ELOA2: variants seen among roughly 807,000 people sequenced by gnomAD.
ELOA2 encodes elongin-A2.
For synonymous variants in ELOA2, 497 were observed against 398.8 expected (o/e 1.25, Z -2.94); for missense variants, 1,271 against 979.7 (o/e 1.30, Z -3.97).
rs776263689 is a variant in ELOA2 at position 47,033,401 on chromosome 18, T to G, written c.1864A>C (p.Met622Leu). The change falls in exon 1 of 1, where the codon ATG (methionine) becomes CTG (leucine). Residue 622 changes from methionine (M) to leucine (L), a missense_variant. Transcript: ENST00000332567. ...CGTGCAGATCGGATATTCGTTGTCA[T>G]TACTCTCAGCCGCTGCTCTGGGGCG... ...PDAPEQRLRV[M>L]TTNIRSARGN... is the part of the protein sequence containing the mutation. 17 of 1,614,086 alleles carry G rather than the reference T, an allele frequency of 1.1e-5. No homozygotes were observed. Among genetic ancestry groups the G allele is most frequent in the South Asian group, 8.8e-5 (8 of 91,082 alleles).
At position 47,032,896 on chromosome 18, in the gene ELOA2, C is replaced by G. The variant is rs1418466518; in HGVS notation, c.*107G>C. 6 of 1,592,576 alleles carry G rather than the reference C, an allele frequency of 3.8e-6. No individual in the cohort carries two copies. The East Asian group carries it at 8.9e-5, about 24-fold the overall frequency. On this transcript the variant is annotated 3_prime_UTR_variant, in exon 1 of 1. Transcript: ENST00000332567. ...CAGAATTCAAAGGCTCAACTTTGCA[C>G]CAAGTTAAAGGTTCTGGTGTCCATT...
chr18:47,033,056 G>A lies in ELOA2; in HGVS notation c.2209C>T (p.Pro737Ser), dbSNP rs1378139555. ...TCTCGAATTGCCTTGGCCATCAGCG[G>A]GGCCACTTTCTTGGCAGCCTGTTTC... ...TRKQAAKKVA[P>S]LMAKAIRDYK... Residue 737 changes from proline (P) to serine (S), a missense_variant, in exon 1 of 1, where the codon CCG (proline) becomes TCG (serine). Coordinates refer to ENST00000332567, the MANE Select transcript of ELOA2 (RefSeq NM_016427.3). 2 of 1,614,126 alleles carry A rather than the reference G, an allele frequency of 1.2e-6. No individual in the cohort carries two copies.
chr18:47,033,411 C>T lies in ELOA2; in HGVS notation c.1854G>A (p.Arg618=). 1.2e-6 allele frequency: 2 copies of T among 1,614,194 alleles called. No individual in the cohort carries two copies. Among genetic ancestry groups the T allele is most frequent in the Non-Finnish European group, 1.7e-6 (2 of 1,180,040 alleles). ...GGATATTCGTTGTCATTACTCTCAG[C>T]CGCTGCTCTGGGGCGTCCGGAAGCC... ...YLRLPDAPEQ[R]LRVMTTNIRS... is the part of the protein sequence containing the mutation. The change falls in exon 1 of 1, where the codon CGG becomes CGA. Residue 618 remains arginine, a synonymous_variant. Coordinates refer to ENST00000332567, the MANE Select transcript of ELOA2 (RefSeq NM_016427.3).
In ELOA2 at chr18:47,034,082, G is replaced by T. The variant is rs958956552; in HGVS notation, c.1183C>A (p.Gln395Lys). The change falls in exon 1 of 1, where the codon CAA (glutamine) becomes AAA (lysine). Residue 395 changes from glutamine to lysine, a missense_variant. Physicochemically the swap from Gln to Lys is moderately conservative, Grantham distance 53. Transcript: ENST00000332567. ...KYLTYDQLRK[Q>K]KKKTGKSATT... Reference sequence around the variant, plus strand: ...GCAGATTTTCCAGTCTTTTTCTTTTGCTTCCGCAACTGATCGTAGGTGAGG... The same window carrying T: ...GCAGATTTTCCAGTCTTTTTCTTTTTCTTCCGCAACTGATCGTAGGTGAGG... The T allele has an allele frequency of 3.7e-6, 6 of 1,614,020 alleles. No homozygotes were observed. Among genetic ancestry groups the T allele is most frequent in the Non-Finnish European group, 5.1e-6 (6 of 1,180,024 alleles).
chr18:47,034,818 G>A lies in ELOA2; in HGVS notation c.447C>T (p.Arg149=), dbSNP rs778714672. The A allele has an allele frequency of 7.4e-6, 12 of 1,611,982 alleles. 1 individual carries two copies. Among genetic ancestry groups the A allele is most frequent in the African/African-American group, 2.7e-5 (2 of 74,854 alleles). ...QQRPHPRSHS[R]EPRAERKCPR... ...GGCACTTTCTCTCAGCTCTGGGCTC[G>A]CGACTGTGAGACCTCGGGTGAGGTC... The change falls in exon 1 of 1, where the codon CGC becomes CGT. Residue 149 remains arginine, a synonymous_variant. Transcript: ENST00000332567.
Position 47,034,227 on chromosome 18 carries a change from A to G in ELOA2, c.1038T>C (p.Thr346=). 1 of 1,613,826 alleles carries G rather than the reference A, an allele frequency of 6.2e-7. No individual in the cohort carries two copies. Among genetic ancestry groups the G allele is most frequent in the Non-Finnish European group, 8.5e-7 (1 of 1,179,788 alleles). Residue 346 remains threonine, a synonymous_variant, in exon 1 of 1, where the codon ACT becomes ACC. Coordinates refer to ENST00000332567, the MANE Select transcript of ELOA2 (RefSeq NM_016427.3). ...GAGCAGTCGGTGGCTTCCCCTCTTG[A>G]GTCTCTCGGTCGTTGGAAAGCTGCT... The part of the protein sequence containing the change: ...EKEQLSNDRE[T]QEGKPPTAHL...
Position 47,034,136 on chromosome 18 carries a change from C to T in ELOA2, c.1129G>A (p.Glu377Lys), listed in dbSNP as rs374544462. ...TTTTCACATGACAGAGTGGGCTGCT[C>T]GAATTCCTCAGCCATATCTACCTCC... ...VEEVDMAEEF[E>K]QPTLSCEKYL... Residue 377 changes from glutamate to lysine, a missense_variant, in exon 1 of 1, where the codon GAG becomes AAG. Transcript: ENST00000332567. 64 of 1,614,028 alleles carry T rather than the reference C, an allele frequency of 4.0e-5. No individual in the cohort carries two copies. The highest frequency in any genetic ancestry group is 5.0e-5 in the Non-Finnish European group (59 of 1,180,044).
chr18:47,035,221 T>A lies in ELOA2; in HGVS notation c.44A>T (p.Gln15Leu), dbSNP rs545181502. Residue 15 changes from glutamine (Q) to leucine (L), a missense_variant, in exon 1 of 1, where the codon CAG becomes CTG. By Grantham distance (113) the Gln-to-Leu change is moderately radical. Coordinates refer to ENST00000332567, the MANE Select transcript of ELOA2 (RefSeq NM_016427.3). ...CTCCGTCTTAGTGGCCAGACGCACC[T>A]GCAGCTTCTCCACTGCGTGCAGCGT... ...STTLHAVEKLQVRLATKTEPK... is the reference protein window; with the variant it reads ...STTLHAVEKLLVRLATKTEPK... The A allele has an allele frequency of 4.3e-6, 7 of 1,612,808 alleles. No homozygotes were observed. The Admixed American group carries it at 1.0e-4, about 23-fold the overall frequency.
At position 47,035,556 on chromosome 18, in the gene ELOA2, T is replaced by C; in HGVS notation, c.-292A>G. ...TGTGCAACAAAGAATGAAGCTCTGG[T>C]GCCAGAGCTGGGCCTTATGTAGCCC... On this transcript the variant is annotated 5_prime_UTR_variant, in exon 1 of 1. Transcript: ENST00000332567. The C allele has an allele frequency of 1.6e-6, 1 of 616,424 alleles. No homozygotes were observed. The highest frequency in any genetic ancestry group is 2.9e-6 in the Non-Finnish European group (1 of 349,990). 38.2% of individuals were successfully genotyped at this position (616,424 alleles called of 1,614,324 possible).
Position 47,032,781 on chromosome 18 carries a change from C to T in ELOA2, c.*222G>A, listed in dbSNP as rs2060535180. On this transcript the variant is annotated 3_prime_UTR_variant, in exon 1 of 1. Transcript: ENST00000332567. ...AAAATAGAATTGTTCCCAATGCGTTCATATCTTCTGAATTCTGAGGTGTTC... is the reference window on the plus strand; with the variant it reads ...AAAATAGAATTGTTCCCAATGCGTTTATATCTTCTGAATTCTGAGGTGTTC... The T allele has an allele frequency of 1.3e-6, 1 of 766,080 alleles. No homozygotes were observed. Among genetic ancestry groups the T allele is most frequent in the Non-Finnish European group, 2.1e-6 (1 of 483,510 alleles). The allele number at this position is 766,080 out of a possible 1,614,324, so 47.5% of individuals were successfully genotyped here.
In ELOA2 at chr18:47,034,706, C is replaced by G; in HGVS notation, c.559G>C (p.Ala187Pro). The stretch of plus-strand genomic sequence containing the variant: ...CTTCCGGGTTGCTTCCCGGGCGCAG[C>G]GGGCTCAGGGCCCTCGGGCATCCGG... ...PLRMPEGPEP[A>P]APGKQPGRGH... Residue 187 changes from alanine to proline, a missense_variant, in exon 1 of 1, where the codon GCT (alanine) becomes CCT (proline). Transcript: ENST00000332567. 1 of 1,612,958 alleles carries G rather than the reference C, an allele frequency of 6.2e-7. No individual in the cohort carries two copies. Among genetic ancestry groups the G allele is most frequent in the African/African-American group, 1.3e-5 (1 of 75,034 alleles).
rs1260469981 is a variant in ELOA2 at position 47,034,699 on chromosome 18, G to A, written c.566C>T (p.Pro189Leu). The change falls in exon 1 of 1, where the codon CCC (proline) becomes CTC (leucine). Residue 189 changes from proline to leucine, a missense_variant. Transcript: ENST00000332567. ...GTGGCCTCTTCCGGGTTGCTTCCCGGGCGCAGCGGGCTCAGGGCCCTCGGG... is the reference window on the plus strand; with the variant it reads ...GTGGCCTCTTCCGGGTTGCTTCCCGAGCGCAGCGGGCTCAGGGCCCTCGGG... ...RMPEGPEPAA[P>L]GKQPGRGHTH... is the part of the protein sequence containing the mutation. The A allele has an allele frequency of 6.2e-7, 1 of 1,612,994 alleles. No individual in the cohort carries two copies. The highest frequency in any genetic ancestry group is 1.1e-5 in the South Asian group (1 of 91,018).
In ELOA2 at chr18:47,034,282, C is replaced by G. The variant is rs749469146; in HGVS notation, c.983G>C (p.Gly328Ala). The G allele has an allele frequency of 1.4e-5, 23 of 1,613,700 alleles. No homozygotes were observed. In the South Asian group the frequency reaches 2.3e-4, roughly 16 times the overall value. The change falls in exon 1 of 1, where the codon GGG becomes GCG. Residue 328 changes from glycine to alanine, a missense_variant. Coordinates refer to ENST00000332567, the MANE Select transcript of ELOA2 (RefSeq NM_016427.3). ...PSLDGRDPGNGTHGLSPEEKE... is the reference protein window; with the variant it reads ...PSLDGRDPGNATHGLSPEEKE... The stretch of plus-strand genomic sequence containing the variant: ...CTCCTCGGGCGACAGGCCGTGTGTC[C>G]CATTTCCTGGGTCCCGGCCGTCTAG...
chr18:47,033,008 G>C lies in ELOA2; in HGVS notation c.2257C>G (p.Arg753Gly). ...IRDYKRRFSR[R>G] ...CTGCAAGGCAAGTCCTGAGTTTATC[G>C]TCGGGAGAATCTTCTCTTGTAGTCT... Residue 753 changes from arginine (R) to glycine (G), a missense_variant, in exon 1 of 1, where the codon CGA becomes GGA. Transcript: ENST00000332567. The C allele has an allele frequency of 1.2e-6, 2 of 1,614,096 alleles. No individual in the cohort carries two copies. The highest frequency in any genetic ancestry group is 1.7e-6 in the Non-Finnish European group (2 of 1,180,050).
chr18:47,032,911 T>G lies in ELOA2; in HGVS notation c.*92A>C. 1 of 1,606,080 alleles carries G rather than the reference T, an allele frequency of 6.2e-7. No individual in the cohort carries two copies. Among genetic ancestry groups the G allele is most frequent in the Non-Finnish European group, 8.5e-7 (1 of 1,175,926 alleles). On this transcript the variant is annotated 3_prime_UTR_variant, in exon 1 of 1. Transcript: ENST00000332567. ...CAACTTTGCACCAAGTTAAAGGTTC[T>G]GGTGTCCATTGGAAGTTTCGTTCCC...
At chr18:47,034,537 C>T in the ELOA2 span, 1 of 1,614,228 alleles carries the variant, frequency 6.2e-7, no homozygotes, top group Non-Finnish European at 8.5e-7. Context: ...AGGGGAGTGC[C>T]AATCTCCCTG....
In ELOA2 at chr18:47,033,140, G is replaced by A. The variant is rs1249702802; in HGVS notation, c.2125C>T (p.Arg709Trp). 3.7e-6 allele frequency: 6 copies of A among 1,614,068 alleles called. No homozygotes were observed. Among genetic ancestry groups the A allele is most frequent in the Admixed American group, 1.7e-5 (1 of 60,030 alleles). The change falls in exon 1 of 1, where the codon CGG becomes TGG. Residue 709 changes from arginine (R) to tryptophan (W), a missense_variant. Arg to Trp is a moderately radical substitution (Grantham distance 101). Coordinates refer to ENST00000332567, the MANE Select transcript of ELOA2 (RefSeq NM_016427.3). ...SSILRWLPEK[R>W]ANPCLSSSNE... Reference sequence around the variant, plus strand: ...CTGCTGCTCAGGCAGGGGTTGGCCCGCTTCTCAGGGAGCCAGCGAAGGATG... The same window carrying A: ...CTGCTGCTCAGGCAGGGGTTGGCCCACTTCTCAGGGAGCCAGCGAAGGATG...
Position 47,032,686 on chromosome 18 carries a change from G to A in ELOA2, c.*317C>T, listed in dbSNP as rs965890618. 3.1e-5 allele frequency: 13 copies of A among 421,340 alleles called. No individual in the cohort carries two copies. Among genetic ancestry groups the A allele is most frequent in the African/African-American group, 2.6e-4 (13 of 49,422 alleles). The allele number at this position is 421,340 out of a possible 1,614,324, so 26.1% of individuals were successfully genotyped here. A position where few individuals can be genotyped will look rare whatever the true frequency, so the allele number is the denominator to read the frequency against. ...TCGAAAAAAAAAAGAAAGGAAAAAGGAAATCTCACATCTTTTTCCTTATTT... is the reference window on the plus strand; with the variant it reads ...TCGAAAAAAAAAAGAAAGGAAAAAGAAAATCTCACATCTTTTTCCTTATTT... On this transcript the variant is annotated 3_prime_UTR_variant, in exon 1 of 1. Transcript: ENST00000332567.
In ELOA2 at chr18:47,033,327, A is replaced by G. The variant is rs201266713; in HGVS notation, c.1938T>C (p.Ser646=). The G allele has an allele frequency of 2.5e-6, 4 of 1,613,696 alleles. No homozygotes were observed. Among genetic ancestry groups the G allele is most frequent in the Non-Finnish European group, 3.4e-6 (4 of 1,180,032 alleles). ...AAGTATCATAAGGCGTCTTGGCCAC[A>G]GATTTGAAACAGATCATCTTTGCCT... The part of the protein sequence containing the change: ...GREAKMICFK[S]VAKTPYDTSR... The change falls in exon 1 of 1, where the codon TCT becomes TCC. Residue 646 remains serine (S), a synonymous_variant. Coordinates refer to ENST00000332567, the MANE Select transcript of ELOA2 (RefSeq NM_016427.3).
Sources: allele counts gnomAD v4.1 joint callset, GRCh38; gene constraint gnomAD v4.1.1; transcripts MANE v1.5; gene names NCBI Gene and HGNC (gene_info 2026-07-23, HGNC 2026-07-21).